Variants in PHIP observed in about 807,000 individuals in gnomAD.
The protein encoded by PHIP is PH-interacting protein.
Under a neutral mutation model 236.8 loss-of-function variants are expected in PHIP, and 54 were observed. The ratio of observed to expected loss-of-function variants is 0.23; its 90% CI spans 0.18 to 0.29. PHIP has a LOEUF of 0.29. PHIP is among the 10% of genes least tolerant of loss of function. PHIP has a pLI of 1.00. For missense variants in PHIP, 1,370 were observed against 2,190.8 expected (o/e 0.63, Z 7.48); for synonymous variants, 756 against 718.9 (o/e 1.05, Z -0.83).
chr6:79,013,850 T>C (rs139787079), intron 15 of PHIP, among the ~76,000 whole-genome samples: 180 of 151,716 alleles, frequency 1.2e-3, no homozygotes, highest in Non-Finnish European at 2.2e-3. Context: ...TTTTAAGCTA[T>C]AAAGACAGAT....
intron 39 of PHIP, among the ~76,000 whole-genome samples, chr6:78,943,293 A>G (rs1773601090): frequency 6.6e-6 from 1 of 152,176 alleles, no homozygotes; most frequent in Non-Finnish European, 1.5e-5. Flanking sequence ...ATAGATAATG[A>G]TATTTCTATA....
At chr6:79,003,682 A>G (rs1445550218) in intron 16 of PHIP, 48 bp downstream of exon 16, 4 of 1,365,090 alleles carry the variant, frequency 2.9e-6, no homozygotes, top group Admixed American at 2.5e-5. Context: ...ACCCCTAAAC[A>G]TGCATTAAAA....
intron 11 of PHIP, 44 bp downstream of exon 11, chr6:79,017,439 C>T: frequency 6.3e-7 from 1 of 1,577,940 alleles, no homozygotes. Flanking sequence ...AACTCTTGGA[C>T]TCACATAAAT....
At chr6:79,075,559 C>A (rs1774108636) in intron 4 of PHIP, among the ~76,000 whole-genome samples, 1 of 150,294 alleles carries the variant, frequency 6.7e-6, no homozygotes. Context: ...ATTCACTTTA[C>A]TAATAATTCC....
At chr6:78,972,526 C>G (rs939379737) in intron 24 of PHIP, among the ~76,000 whole-genome samples, 13 of 151,868 alleles carry the variant, frequency 8.6e-5, no homozygotes, top group Admixed American at 2.0e-4. Flanking sequence ...AAGCTGGACG[C>G]AGAATGACTT....
In PHIP at chr6:78,985,842, A is replaced by G. The variant is rs536988146; in HGVS notation, c.2461-414T>C. On this transcript the variant is annotated intron_variant, in intron 21 of 39. Transcript: ENST00000275034. ...CTGTCTCAAAAATAATAATAATAAA[A>G]TAATAAAAGAGTCAGCTGCTTCTCT... Among the ~76,000 whole-genome samples, 599 of 152,260 alleles carry G rather than the reference A, an allele frequency of 3.9e-3. 2 individuals are homozygous for G. The highest frequency in any genetic ancestry group is 5.8e-3 in the Non-Finnish European group (392 of 68,012).
chr6:79,074,348 C>G (rs1264326176), intron 4 of PHIP, among the ~76,000 whole-genome samples: 1 of 151,792 alleles, frequency 6.6e-6, no homozygotes, highest in Non-Finnish European at 1.5e-5. Flanking sequence ...GCCTCTAGAT[C>G]TCGTAAATAT....
At chr6:79,046,969 G>A (rs1371707459) in intron 6 of PHIP, among the ~76,000 whole-genome samples, 1 of 151,542 alleles carries the variant, frequency 6.6e-6, no homozygotes, top group Non-Finnish European at 1.5e-5. Context: ...TCTAAATAGT[G>A]CTTCATTTTA....
intron 6 of PHIP, among the ~76,000 whole-genome samples, chr6:79,043,358 C>G (rs1772319654): frequency 6.6e-6 from 1 of 152,070 alleles, no homozygotes; most frequent in Non-Finnish European, 1.5e-5. Flanking sequence ...TAAAAGCTGT[C>G]TATGAAATAG....
intron 14 of PHIP, 136 bp from the exon 15 acceptor site, chr6:79,015,352 T>C (rs1030030052): frequency 8.5e-6 from 6 of 705,940 alleles, no homozygotes; most frequent in Admixed American, 2.8e-5. Context: ...ATCTTCAAAT[T>C]TGTCATGTAT....
chr6:79,051,168 G>C (rs1772775089), intron 6 of PHIP, among the ~76,000 whole-genome samples: 1 of 152,106 alleles, frequency 6.6e-6, no homozygotes, highest in African/African-American at 2.4e-5. Flanking sequence ...GAATTAATCT[G>C]GGAAATTATT....
chr6:79,048,442 T>C (rs761889250), intron 6 of PHIP, among the ~76,000 whole-genome samples: 22 of 152,074 alleles, frequency 1.4e-4, no homozygotes, highest in Admixed American at 2.6e-4. Flanking sequence ...ACTAGAAAAA[T>C]ACATGATAAA....
chr6:78,955,596 A>G lies in PHIP; in HGVS notation c.3852+17T>C, dbSNP rs771880502. The G allele has an allele frequency of 1.8e-5, 14 of 793,914 alleles. No individual in the cohort carries two copies. Among genetic ancestry groups the G allele is most frequent in the South Asian group, 1.3e-4 (8 of 61,076 alleles). The allele number at this position is 793,914 out of a possible 1,614,324, so 49.2% of individuals were successfully genotyped here. ...TAGAGAATATCAATATGGTAATAAT[A>G]ATGAAATATTACATACCTCAGAATC... On this transcript the variant is annotated intron_variant, in intron 33 of 39. Coordinates refer to ENST00000275034, the MANE Select transcript of PHIP (RefSeq NM_017934.7).
In PHIP at chr6:78,968,356, C is replaced by A. The variant is rs146163676; in HGVS notation, c.3205+1479G>T. Reference sequence around the variant, plus strand: ...TTTTAACTGACCAGGTCTACTTATACACAGATTTTTCCAATAAACAGATTT... The same window carrying A: ...TTTTAACTGACCAGGTCTACTTATAAACAGATTTTTCCAATAAACAGATTT... On this transcript the variant is annotated intron_variant, in intron 27 of 39. Coordinates refer to ENST00000275034, the MANE Select transcript of PHIP (RefSeq NM_017934.7). Among the ~76,000 whole-genome samples the A allele has an allele frequency of 1.2e-4, 18 of 152,258 alleles. No homozygotes were observed. The East Asian group carries it at 2.7e-3, about 23-fold the overall frequency.
At position 78,939,994 on chromosome 6, in the gene PHIP, T is replaced by C. The variant is rs185852536; in HGVS notation, c.*699A>G. The C allele has an allele frequency of 1.3e-5, 2 of 152,614 alleles. No homozygotes were observed. The highest frequency in any genetic ancestry group is 1.3e-4 in the Admixed American group (2 of 15,272). The allele number at this position is 152,614 out of a possible 1,614,324, so 9.5% of individuals were successfully genotyped here. On this transcript the variant is annotated 3_prime_UTR_variant, in exon 40 of 40. Transcript: ENST00000275034. ...GGCACAATAAACAGAGATTGAGTGA[T>C]ATAAGAATCAAGGTCTGAAAAATTA...
chr6:79,000,792 T>C (rs1335419110), intron 17 of PHIP, among the ~76,000 whole-genome samples: 2 of 152,110 alleles, frequency 1.3e-5, no homozygotes, highest in Non-Finnish European at 2.9e-5. Context: ...TGTGTCCACG[T>C]ACTGAGACAC....
Position 78,990,887 on chromosome 6 carries a change from T to C in PHIP, c.2300A>G (p.Lys767Arg), listed in dbSNP as rs1367066363. ...RKHLTVPKEN[K>R]IPTVSKNHAH... ...ATGTACCTTTGAGACAGTGGGTATT[T>C]TATTCTCTTTTGGAACAGTTAAGTG... Residue 767 changes from lysine (K) to arginine (R), a missense_variant, in exon 20 of 40, where the codon AAA (lysine) becomes AGA (arginine). Physicochemically the swap from Lys to Arg is conservative, Grantham distance 26 (BLOSUM62 2). Around this residue, in one of 14 missense-constraint regions of PHIP, gnomAD observed 99 missense variants for 110.0 expected, o/e 0.90. Coordinates refer to ENST00000275034, the MANE Select transcript of PHIP (RefSeq NM_017934.7). The C allele has an allele frequency of 6.3e-7, 1 of 1,582,438 alleles. No individual in the cohort carries two copies. Among genetic ancestry groups the C allele is most frequent in the Middle Eastern group, 1.7e-4 (1 of 5,992 alleles).
intron 27 of PHIP, among the ~76,000 whole-genome samples, chr6:78,967,512 G>C (rs1767222031): frequency 6.6e-6 from 1 of 152,204 alleles, no homozygotes; most frequent in Admixed American, 6.5e-5. Context: ...CCACCATTGA[G>C]AGTAAGCCTT....
At chr6:79,077,543 G>A (rs745905025) in intron 3 of PHIP, 36 bp from the exon 4 acceptor site, 54 of 1,365,780 alleles carry the variant, frequency 4.0e-5, no homozygotes, top group Non-Finnish European at 4.9e-5. Flanking sequence ...CCCGGCCCCC[G>A]GCCCCTACCC....
Sources: allele counts gnomAD v4.1 joint callset (sites outside exome capture counted in the v4.1 genomes callset), GRCh38; gene constraint gnomAD v4.1.1; regional missense constraint gnomAD v4.1.1; transcripts MANE v1.5; gene names NCBI Gene and HGNC (gene_info 2026-07-23, HGNC 2026-07-21).